Variants in POLR2F observed in about 807,000 individuals in gnomAD.
POLR2F encodes the protein DNA-directed RNA polymerases I, II, and III subunit RPABC2.
Under a neutral mutation model 22.7 loss-of-function variants are expected in POLR2F, and 12 were observed. The observed-to-expected ratio is 0.53, with a 90% CI of 0.34 to 0.86. The LOEUF is 0.86. Among genes scored for constraint, POLR2F ranks in the 40% least tolerant of loss-of-function variants. The pLI is 0.02. For synonymous variants in POLR2F, 57 were observed against 66.0 expected, an observed-to-expected ratio of 0.86 and a Z score of 0.66; for missense variants, 126 against 171.5, an observed-to-expected ratio of 0.73 and a Z score of 1.48.
intron 5 of POLR2F, among the ~76,000 whole-genome samples, chr22:38,036,855 C>A (rs535858351): frequency 6.6e-6 from 1 of 152,158 alleles, no homozygotes; most frequent in South Asian, 2.1e-4. Context: ...CTCAACAGCA[C>A]ATTCCCTCTC....
At chr22:38,035,830 C>T (rs2085110653) in intron 5 of POLR2F, among the ~76,000 whole-genome samples, 1 of 152,176 alleles carries the variant, frequency 6.6e-6, no homozygotes, top group African/African-American at 2.4e-5. Flanking sequence ...TCTCAGAGCC[C>T]CCTTCCTGCC....
At chr22:38,035,092 C>G (rs982818297) in intron 5 of POLR2F, among the ~76,000 whole-genome samples, 3 of 150,896 alleles carry the variant, frequency 2.0e-5, no homozygotes, top group African/African-American at 7.3e-5. Flanking sequence ...GGTCTTGCTT[C>G]TTCCAGGAAG....
At chr22:37,956,502 C>T (rs1931405005) in intron 1 of POLR2F, among the ~76,000 whole-genome samples, 1 of 151,742 alleles carries the variant, frequency 6.6e-6, no homozygotes, top group Non-Finnish European at 1.5e-5. Context: ...CTGCAACCTC[C>T]ACCTCCTGGG....
chr22:37,987,345 C>T (rs1249205683), intron 1 of POLR2F: 2 of 454,546 alleles, frequency 4.4e-6, no homozygotes, highest in Admixed American at 4.7e-5. Flanking sequence ...AAAGGAATAC[C>T]TGTCAGTCAA....
chr22:38,031,061 C>T (rs1442440787), downstream of POLR2F, among the ~76,000 whole-genome samples: 4 of 152,004 alleles, frequency 2.6e-5, no homozygotes, highest in Non-Finnish European at 5.9e-5. This position sits in a 1 kb window ranked among gnomAD's most constrained non-coding sequence, Gnocchi z 4.1. Flanking sequence ...AATGGAAAGA[C>T]GGGTCTTGGC....
At chr22:37,994,833 G>A (rs2084697499) in intron 1 of POLR2F, among the ~76,000 whole-genome samples, 1 of 152,074 alleles carries the variant, frequency 6.6e-6, no homozygotes, top group Admixed American at 6.6e-5. Flanking sequence ...GTAGAGACAG[G>A]GTTTCACAAT....
At chr22:38,033,492 C>T (rs1258049719) in intron 5 of POLR2F, among the ~76,000 whole-genome samples, 2 of 152,186 alleles carry the variant, frequency 1.3e-5, no homozygotes, top group Non-Finnish European at 2.9e-5. Context: ...CCAGATGGGG[C>T]GACAGACAGG....
chr22:37,985,818 A>AACAC (rs60447362), upstream of POLR2F, among the ~76,000 whole-genome samples: 3,745 of 144,454 alleles, frequency 0.026, 101 homozygotes, highest in African/African-American at 0.064. Context: ...CAGACACTGG[A>AACAC]ACACACACAC....
chr22:38,024,233 C>T (rs1375532110), intron 1 of POLR2F, among the ~76,000 whole-genome samples: 7 of 152,212 alleles, frequency 4.6e-5, no homozygotes, highest in Non-Finnish European at 8.8e-5. Context: ...TTTCACTTAG[C>T]ATAATGTCTT....
intron 1 of POLR2F, among the ~76,000 whole-genome samples, chr22:37,993,339 G>T (rs770137039): frequency 6.6e-6 from 1 of 152,108 alleles, no homozygotes; most frequent in Non-Finnish European, 1.5e-5. Flanking sequence ...TGTGATCCAG[G>T]CCATTGCCCC....
upstream of POLR2F, among the ~76,000 whole-genome samples, chr22:37,981,909 A>G (rs535321181): frequency 8.5e-5 from 13 of 152,236 alleles, 1 homozygote; most frequent in South Asian, 2.1e-3. Flanking sequence ...AAGGGGCACC[A>G]GGTCTTCAGC....
At chr22:37,991,568 C>T (rs1430166408) in intron 1 of POLR2F, among the ~76,000 whole-genome samples, 1 of 152,100 alleles carries the variant, frequency 6.6e-6, no homozygotes, top group Non-Finnish European at 1.5e-5. Flanking sequence ...ATTATTTTTA[C>T]CACCTATTAA....
rs2084918855 is a variant in POLR2F, at chr22:38,016,734, G to A, written c.121-9135G>A. On this transcript the variant is annotated intron_variant, in intron 1 of 2. Coordinates refer to the POLR2F transcript ENST00000333418. The surrounding 1 kb of genome is among the most constrained non-coding windows in gnomAD (Gnocchi z 4.4). ...GAAAGAGTGCTGGCACGCACCGCGG[G>A]GGGAGGGGGCGGGAGGGGGCCGCCG... is the stretch of plus-strand genomic sequence containing the variant. Among the ~76,000 whole-genome samples the A allele has an allele frequency of 2.0e-5, 3 of 152,086 alleles. No individual in the cohort carries two copies. Among genetic ancestry groups the A allele is most frequent in the Admixed American group, 1.3e-4 (2 of 15,274 alleles).
chr22:37,973,628 G>A (rs2145760615), downstream of POLR2F: 2 of 1,613,718 alleles, frequency 1.2e-6, no homozygotes, highest in South Asian at 1.1e-5. Context: ...GGAGAAGGCC[G>A]AGTAGAGGCC....
chr22:38,029,195 G>A (rs1253414303), downstream of POLR2F, among the ~76,000 whole-genome samples: 1 of 152,172 alleles, frequency 6.6e-6, no homozygotes, highest in Non-Finnish European at 1.5e-5. Flanking sequence ...GATGGATAAG[G>A]AGTGGGGCAT....
chr22:38,036,741 C>T (rs776425903), intron 5 of POLR2F, among the ~76,000 whole-genome samples: 6 of 152,032 alleles, frequency 3.9e-5, no homozygotes, highest in South Asian at 2.1e-4. Context: ...AAAGCCCCAA[C>T]GGGCCCCTCA....
At chr22:38,025,575 C>G in intron 1 of POLR2F, 1 of 1,500,180 alleles carries the variant, frequency 6.7e-7, no homozygotes. Context: ...TCTCTCATTT[C>G]CAGACTTCTC....
chr22:37,956,707 G>A (rs1260971487), intron 1 of POLR2F, 66 bp from the exon 2 acceptor site: 28 of 1,260,114 alleles, frequency 2.2e-5, no homozygotes, highest in South Asian at 1.8e-4. Context: ...GTGATCCACC[G>A]TGCCTGGCCC....
intron 3 of POLR2F, among the ~76,000 whole-genome samples, chr22:37,961,174 C>T (rs1182587506): frequency 6.6e-6 from 1 of 152,126 alleles, no homozygotes; most frequent in African/African-American, 2.4e-5. Context: ...CTTGTCTCAA[C>T]CTCCCAAGTA....
Sources: allele counts gnomAD v4.1 joint callset (sites outside exome capture counted in the v4.1 genomes callset), GRCh38; gene constraint gnomAD v4.1.1; non-coding constraint Gnocchi (gnomAD v3.1); transcripts MANE v1.5; gene names NCBI Gene and HGNC (gene_info 2026-07-23, HGNC 2026-07-21).